The following GLI2 variants were observed in gnomAD, a reference collection of about 807,000 sequenced individuals.
GLI2 encodes GLI family zinc finger 2, also known as transcription activator GLI2.
Under a neutral mutation model 78.9 loss-of-function variants are expected in GLI2, and 22 were observed. The ratio of observed to expected loss-of-function variants is 0.28; its 90% CI spans 0.20 to 0.40. The LOEUF is 0.40. GLI2 is among the 10% of genes least tolerant of loss of function. The pLI is 1.00. For synonymous variants in GLI2, 974 were observed against 963.7 expected (o/e 1.01, Z -0.20); for missense variants, 2,097 against 2,213.2 (o/e 0.95, Z 1.05).
intron 4 of GLI2, among the ~76,000 whole-genome samples, chr2:120,953,942 T>A (rs868543516): frequency 1.4e-4 from 22 of 152,136 alleles, no homozygotes; most frequent in Middle Eastern, 3.2e-3. Context: ...ATGCTATGCA[T>A]GAGTTCAAGA....
At chr2:120,803,862 C>A (rs1684813061) in intron 2 of GLI2, among the ~76,000 whole-genome samples, 1 of 152,204 alleles carries the variant, frequency 6.6e-6, no homozygotes, top group Non-Finnish European at 1.5e-5. Flanking sequence ...AAGGCATGAA[C>A]AAGATCCCTT....
intron 2 of GLI2, among the ~76,000 whole-genome samples, chr2:120,809,154 T>A (rs1025659538): frequency 2.6e-4 from 40 of 152,350 alleles, no homozygotes; most frequent in African/African-American, 8.9e-4. Flanking sequence ...CAGAACGTGG[T>A]ATGTATGTAC....
At chr2:120,826,183 T>G (rs968643829) in intron 2 of GLI2, among the ~76,000 whole-genome samples, 6 of 152,134 alleles carry the variant, frequency 3.9e-5, no homozygotes, top group Admixed American at 3.9e-4. Flanking sequence ...ACTTAGCAAG[T>G]TCAGCATGGA....
chr2:120,981,179 G>A (rs1487717585), intron 10 of GLI2, among the ~76,000 whole-genome samples: 2 of 152,162 alleles, frequency 1.3e-5, no homozygotes, highest in Non-Finnish European at 2.9e-5. Context: ...CCACGCCCAG[G>A]CTGGAGTTAA....
intron 1 of GLI2, among the ~76,000 whole-genome samples, chr2:120,781,881 C>CAA (rs61067431): frequency 6.1e-5 from 8 of 131,842 alleles, no homozygotes; most frequent in African/African-American, 1.4e-4. Flanking sequence ...GACTCCATCT[C>CAA]AAAAAAAAAA....
At chr2:120,971,183 C>T (rs746657985) in intron 7 of GLI2, among the ~76,000 whole-genome samples, 41 of 152,236 alleles carry the variant, frequency 2.7e-4, no homozygotes, top group Non-Finnish European at 5.0e-4. Context: ...TTCCCTCTCG[C>T]AGCCTGAGCT....
Position 120,975,115 on chromosome 2 carries a change from C to G in GLI2, c.1317+6C>G, listed in dbSNP as rs200971419. On this transcript the variant is annotated splice_donor_region_variant and intron_variant, in intron 9 of 13. Transcript: ENST00000361492. The stretch of plus-strand genomic sequence containing the variant: ...CCCAGGAGCAGCTGGTGCATGTAAG[C>G]TTTTGAACCCCAGCAGCCCGCCAAC... 60 of 1,613,630 alleles carry G rather than the reference C, an allele frequency of 3.7e-5. No homozygotes were observed. Among genetic ancestry groups the G allele is most frequent in the Middle Eastern group, 1.7e-4 (1 of 6,056 alleles).
At chr2:120,927,217 G>T in intron 2 of GLI2, 144 bp from the exon 3 acceptor site, 1 of 750,028 alleles carries the variant, frequency 1.3e-6, no homozygotes, top group Non-Finnish European at 2.5e-6. Flanking sequence ...CCCTTCGTGG[G>T]TGTGTGATCG....
intron 2 of GLI2, among the ~76,000 whole-genome samples, chr2:120,900,299 A>G (rs1678190805): frequency 6.6e-6 from 1 of 152,174 alleles, no homozygotes; most frequent in Non-Finnish European, 1.5e-5. Flanking sequence ...GTGCAAAAGA[A>G]TCAGCCCAGG....
intron 10 of GLI2, 34 bp from the exon 11 acceptor site, chr2:120,982,682 G>C (rs764920014): frequency 3.1e-6 from 5 of 1,587,662 alleles, no homozygotes; most frequent in Non-Finnish European, 3.4e-6. Flanking sequence ...GGGCCCCCTG[G>C]GGTGCCTTGA....
intron 2 of GLI2, among the ~76,000 whole-genome samples, chr2:120,894,823 G>A (rs1029897109): frequency 2.6e-5 from 4 of 151,858 alleles, no homozygotes; most frequent in Admixed American, 1.3e-4. Context: ...CTCAGCCTCC[G>A]GAGTAGCTGG....
intron 1 of GLI2, among the ~76,000 whole-genome samples, chr2:120,792,837 G>A (rs985309923): frequency 1.3e-5 from 2 of 152,070 alleles, no homozygotes; most frequent in Non-Finnish European, 2.9e-5. Context: ...TGGTCAAGAC[G>A]GTCTTCATCT....
At chr2:120,743,280 G>A (rs1450845213) in intron 1 of GLI2, among the ~76,000 whole-genome samples, 7 of 152,238 alleles carry the variant, frequency 4.6e-5, no homozygotes, top group East Asian at 1.9e-4. Context: ...CTGATGTGCC[G>A]CCTCCCCGCT....
At chr2:120,817,944 A>C (rs1320444933) in intron 2 of GLI2, among the ~76,000 whole-genome samples, 2 of 152,214 alleles carry the variant, frequency 1.3e-5, no homozygotes, top group East Asian at 3.8e-4. Context: ...TGAGGCCTCC[A>C]TGTCCTGCCA....
intron 2 of GLI2, among the ~76,000 whole-genome samples, chr2:120,920,291 G>A (rs538354243): frequency 6.6e-6 from 1 of 152,396 alleles, no homozygotes; most frequent in African/African-American, 2.4e-5. Context: ...GTGCCTCTGC[G>A]TTGTGGCAAC....
intron 2 of GLI2, among the ~76,000 whole-genome samples, chr2:120,912,863 C>T (rs13406368): frequency 6.6e-5 from 10 of 152,134 alleles, no homozygotes; most frequent in South Asian, 2.1e-4. Context: ...CAGCTCTGCG[C>T]GGAGAGGTCA....
At chr2:120,885,137 C>G (rs568065462) in intron 2 of GLI2, among the ~76,000 whole-genome samples, 2 of 152,334 alleles carry the variant, frequency 1.3e-5, no homozygotes, top group African/African-American at 4.8e-5. Context: ...AGGCTTTCCC[C>G]GATCTCATCA....
intron 5 of GLI2, among the ~76,000 whole-genome samples, chr2:120,961,980 T>C (rs1681587900): frequency 6.6e-6 from 1 of 152,138 alleles, no homozygotes; most frequent in Non-Finnish European, 1.5e-5. Context: ...GATGATGCTC[T>C]TTCCTCCTGC....
intron 2 of GLI2, among the ~76,000 whole-genome samples, chr2:120,879,920 A>G (rs973773846): frequency 4.6e-5 from 7 of 152,186 alleles, no homozygotes; most frequent in Non-Finnish European, 8.8e-5. Context: ...GCCATATTTC[A>G]GCATTTAGGA....
Sources: gnomAD v4.1 joint callset for allele counts (sites outside exome capture counted in the v4.1 genomes callset) on GRCh38, gnomAD v4.1.1 for gene constraint, MANE v1.5 for transcripts, NCBI Gene and HGNC (gene_info 2026-07-23, HGNC 2026-07-21) for gene names.